LYST: variants seen among roughly 807,000 people sequenced by gnomAD.
LYST encodes lysosomal-trafficking regulator.
A neutral mutation model predicts 413.6 loss-of-function variants in LYST; 192 were observed. That is an observed-to-expected ratio of 0.46 (90% CI 0.41 to 0.52). The LOEUF (loss-of-function observed/expected upper bound fraction) is 0.52. LYST is among the 20% of genes least tolerant of loss of function. The pLI is 0.00. For synonymous variants in LYST, 1,525 were observed against 1,567.3 expected, an observed-to-expected ratio of 0.97 and a Z score of 0.64; for missense variants, 3,815 against 4,499.9, an observed-to-expected ratio of 0.85 and a Z score of 4.35.
chr1:235,846,243 C>T (rs1032205309), intron 1 of LYST, among the ~76,000 whole-genome samples: 2 of 152,108 alleles, frequency 1.3e-5, no homozygotes, highest in African/African-American at 2.4e-5. Flanking sequence ...CAGGGAGACT[C>T]GCTGGGTGGC....
At chr1:235,668,613 A>G (rs1168758893) in intron 50 of LYST, among the ~76,000 whole-genome samples, 1 of 152,246 alleles carries the variant, frequency 6.6e-6, no homozygotes, top group East Asian at 1.9e-4. Flanking sequence ...CTGATATAAT[A>G]TCACAGATAT....
chr1:235,733,488 C>G lies in LYST; in HGVS notation c.8801+15G>C, dbSNP rs748026551. ...CTTCATGGAAGACAATTTTAACTGA[C>G]CTCCCGCAGCTTACCTATCATGTGT... On this transcript the variant is annotated intron_variant, in intron 34 of 52. Transcript: ENST00000389793. 2 of 1,611,532 alleles carry G rather than the reference C, an allele frequency of 1.2e-6. No individual in the cohort carries two copies.
chr1:235,860,168 C>T (rs1018293874), intron 1 of LYST, among the ~76,000 whole-genome samples: 1 of 152,112 alleles, frequency 6.6e-6, no homozygotes, highest in African/African-American at 2.4e-5. Context: ...AATCTTCTAT[C>T]CTCTTTTTTA....
chr1:235,739,963 G>A (rs1665199072), intron 31 of LYST, among the ~76,000 whole-genome samples: 1 of 152,116 alleles, frequency 6.6e-6, no homozygotes, highest in South Asian at 2.1e-4. Context: ...AAGGGAAGAT[G>A]GTATGAGAAA....
In LYST at chr1:235,693,370, G is replaced by T. The variant is rs1041137098; in HGVS notation, c.10681C>A (p.Gln3561Lys). 5 of 1,610,550 alleles carry T rather than the reference G, an allele frequency of 3.1e-6. No homozygotes were observed. The African/African-American group carries it at 5.3e-5, about 17-fold the overall frequency. Residue 3561 changes from glutamine to lysine, a missense_variant, in exon 47 of 53, where the codon CAA becomes AAA. Physicochemically the swap from Gln to Lys is moderately conservative, Grantham distance 53. Around this residue, in one of 4 missense-constraint regions of LYST, gnomAD observed 866 missense variants for 1,156.0 expected, o/e 0.75. Transcript: ENST00000389793. Reference protein sequence around the residue: ...KQSEPPVNFIQSSQQYQVTSC... With the variant: ...KQSEPPVNFIKSSQQYQVTSC... ...TTTACCTGGTACTGTTGTGAACTTTGAATAAAGTTTACTGGAGGCTCACTT... is the reference window on the plus strand; with the variant it reads ...TTTACCTGGTACTGTTGTGAACTTTTAATAAAGTTTACTGGAGGCTCACTT...
chr1:235,663,848 G>A (rs1488352688), intron 52 of LYST, 136 bp downstream of exon 52: 12 of 756,968 alleles, frequency 1.6e-5, no homozygotes, highest in Admixed American at 1.3e-4. Context: ...CGGACAACCC[G>A]CTGTGTGTTA....
In LYST at chr1:235,693,347, T is replaced by C. The variant is rs1660829644; in HGVS notation, c.10701+3A>G. The C allele has an allele frequency of 1.3e-6, 2 of 1,593,240 alleles. No homozygotes were observed. The highest frequency in any genetic ancestry group is 2.2e-5 in the East Asian group (1 of 44,792). ...AATAAATAAAATAAAATAAAGTGTT[T>C]ACCTGGTACTGTTGTGAACTTTGAA... On this transcript the variant is annotated splice_donor_region_variant and intron_variant, in intron 47 of 52. Coordinates refer to ENST00000389793, the MANE Select transcript of LYST (RefSeq NM_000081.4).
Position 235,805,937 on chromosome 1 carries a change from A to C in LYST, c.3199T>G (p.Leu1067Val). 6.2e-7 allele frequency: 1 copy of C among 1,613,780 alleles called. No homozygotes were observed. Among genetic ancestry groups the C allele is most frequent in the Non-Finnish European group, 8.5e-7 (1 of 1,179,842 alleles). ...ACATTTATGGAAGAAATATGCTGTA[A>C]CTCTAATTTACCTAAACTGTCAGCA... ...KSADSLGKLE[L>V]QHISSINVEE... Residue 1067 changes from leucine (L) to valine (V), a missense_variant, in exon 6 of 53, where the codon TTA becomes GTA. Transcript: ENST00000389793.
chr1:235,842,783 A>C (rs1215605768), intron 1 of LYST, among the ~76,000 whole-genome samples: 1 of 152,190 alleles, frequency 6.6e-6, no homozygotes, highest in East Asian at 1.9e-4. Context: ...TCATTGAATG[A>C]GACTTCCTGC....
intron 1 of LYST, among the ~76,000 whole-genome samples, chr1:235,842,431 G>A (rs1677324065): frequency 6.6e-6 from 1 of 152,178 alleles, no homozygotes; most frequent in African/African-American, 2.4e-5. Flanking sequence ...TAAGGTCCTT[G>A]CAGTTAAGTA....
intron 25 of LYST, among the ~76,000 whole-genome samples, chr1:235,754,912 A>C (rs1275859995): frequency 6.6e-6 from 1 of 151,062 alleles, no homozygotes; most frequent in African/African-American, 2.4e-5. Flanking sequence ...ATCTCCACTA[A>C]AAGTAAAAAA....
At chr1:235,773,623 G>C (rs960613420) in intron 19 of LYST, among the ~76,000 whole-genome samples, 2 of 152,128 alleles carry the variant, frequency 1.3e-5, no homozygotes, top group Non-Finnish European at 2.9e-5. Context: ...TGGTTTCCAG[G>C]GGCTAGAGAA....
At chr1:235,702,637 G>A (rs900039846) in intron 45 of LYST, 110 bp downstream of exon 45, 2 of 903,516 alleles carry the variant, frequency 2.2e-6, no homozygotes, top group African/African-American at 3.3e-5. Context: ...TGCACTGACT[G>A]GCACACAGCT....
At chr1:235,712,605 C>A in intron 42 of LYST, 1 of 984,524 alleles carries the variant, frequency 1.0e-6, no homozygotes, top group Non-Finnish European at 1.2e-6. Context: ...AGTAGGCAAA[C>A]AGTTTTTTCC....
At chr1:235,877,480 C>T (rs1412496863) in intron 1 of LYST, among the ~76,000 whole-genome samples, 2 of 152,178 alleles carry the variant, frequency 1.3e-5, no homozygotes, top group East Asian at 1.9e-4. Flanking sequence ...CGATCTCCCT[C>T]ACTGCAACCT....
chr1:235,669,703 A>G (rs1658774289), intron 50 of LYST, among the ~76,000 whole-genome samples: 1 of 152,228 alleles, frequency 6.6e-6, no homozygotes, highest in Non-Finnish European at 1.5e-5. Context: ...ACCCAAGAAG[A>G]TTCTATATCC....
intron 3 of LYST, among the ~76,000 whole-genome samples, chr1:235,816,919 T>A (rs891831987): frequency 1.3e-5 from 2 of 152,102 alleles, no homozygotes; most frequent in Non-Finnish European, 2.9e-5. Context: ...AAGGAAACTA[T>A]CAACAGAGTA....
At chr1:235,804,377 C>G in intron 7 of LYST, 127 bp downstream of exon 7, 1 of 770,734 alleles carries the variant, frequency 1.3e-6, no homozygotes, top group Non-Finnish European at 2.3e-6. Flanking sequence ...ATAAGATCCA[C>G]TGAACTCATC....
intron 37 of LYST, among the ~76,000 whole-genome samples, chr1:235,728,821 T>C (rs1664119681): frequency 6.6e-6 from 1 of 152,202 alleles, no homozygotes; most frequent in Non-Finnish European, 1.5e-5. Context: ...CCAGCAGGCT[T>C]GAAGCTCCAT....
Sources: gnomAD v4.1 joint callset for allele counts (sites outside exome capture counted in the v4.1 genomes callset) on GRCh38, gnomAD v4.1.1 for gene constraint, gnomAD v4.1.1 regional missense constraint, MANE v1.5 for transcripts, NCBI Gene and HGNC (gene_info 2026-07-23, HGNC 2026-07-21) for gene names.